PTH2R: variants seen among roughly 807,000 people sequenced by gnomAD.
The protein encoded by PTH2R is parathyroid hormone 2 receptor.
Under a neutral mutation model 60.3 loss-of-function variants are expected in PTH2R, and 59 were observed. The observed-to-expected ratio is 0.98, with a 90% CI of 0.79 to 1.22. PTH2R has a LOEUF of 1.22. Ranked by LOEUF, PTH2R falls within the 50% of genes most tolerant of loss-of-function variation. PTH2R has a pLI of 0.00. For synonymous variants in PTH2R, 256 were observed against 243.8 expected, an observed-to-expected ratio of 1.05 and a Z score of -0.47; for missense variants, 749 against 682.6, an observed-to-expected ratio of 1.10 and a Z score of -1.08.
chr2:208,491,879 A>C (rs745699475), intron 12 of PTH2R, among the ~76,000 whole-genome samples: 1 of 152,108 alleles, frequency 6.6e-6, no homozygotes, highest in Non-Finnish European at 1.5e-5. Context: ...GCTTGTTGTT[A>C]GAAGGGAAGT....
chr2:208,440,324 G>A (rs1702157078), intron 4 of PTH2R, among the ~76,000 whole-genome samples: 1 of 152,048 alleles, frequency 6.6e-6, no homozygotes, highest in Non-Finnish European at 1.5e-5. Flanking sequence ...GTTTCTTTCT[G>A]ATTGGTTAGA....
chr2:208,372,874 C>T (rs1700726657), intron 1 of PTH2R, among the ~76,000 whole-genome samples: 1 of 152,028 alleles, frequency 6.6e-6, no homozygotes, highest in Admixed American at 6.6e-5. Context: ...CGCCTGAGCT[C>T]AGGAGTTCAA....
At chr2:208,392,403 GA>G (rs756821796) in intron 1 of PTH2R, among the ~76,000 whole-genome samples, 1 of 152,140 alleles carries the variant, frequency 6.6e-6, no homozygotes, top group Non-Finnish European at 1.5e-5. Context: ...CTCTGGTTAG[GA>G]AAAGAAGTGG....
chr2:208,429,084 C>A (rs1207974475), intron 2 of PTH2R, among the ~76,000 whole-genome samples: 12 of 126,054 alleles, frequency 9.5e-5, no homozygotes, highest in African/African-American at 2.0e-4. Flanking sequence ...CTCTCTGTCT[C>A]AAAAAAAAAA....
intron 6 of PTH2R, 135 bp downstream of exon 6, chr2:208,443,672 T>G: frequency 1.5e-6 from 1 of 661,242 alleles, no homozygotes. Context: ...TCAATTTGTA[T>G]AGTGATGTTT....
intron 9 of PTH2R, among the ~76,000 whole-genome samples, chr2:208,473,598 G>A (rs554312550): frequency 5.8e-4 from 88 of 152,284 alleles, no homozygotes; most frequent in Non-Finnish European, 1.2e-3. Context: ...GAAGTGTACC[G>A]TATTGCATTT....
intron 8 of PTH2R, among the ~76,000 whole-genome samples, chr2:208,457,522 T>G (rs1208840421): frequency 6.6e-6 from 1 of 152,146 alleles, no homozygotes; most frequent in East Asian, 1.9e-4. Flanking sequence ...TGCAAAGAAA[T>G]AAAACATACA....
At chr2:208,360,124 C>A in exon 1 of PTH2R, 1 of 408,002 alleles carries the variant, frequency 2.5e-6, no homozygotes, top group East Asian at 7.3e-5. Flanking sequence ...TCGAAAATGA[C>A]CTTTTTATGC....
intron 1 of PTH2R, among the ~76,000 whole-genome samples, chr2:208,415,553 A>G (rs1258202341): frequency 6.6e-6 from 1 of 152,188 alleles, no homozygotes; most frequent in Non-Finnish European, 1.5e-5. Context: ...AGAAGAGAAA[A>G]ATGGACTAAA....
chr2:208,361,895 G>A (rs914059595), intron 1 of PTH2R, among the ~76,000 whole-genome samples: 1 of 152,184 alleles, frequency 6.6e-6, no homozygotes, highest in Non-Finnish European at 1.5e-5. Flanking sequence ...CGGGGCAAAG[G>A]GTTGCCCAGA....
chr2:208,365,940 ATATATATATATATATATATATT>A (rs1700573485), intron 1 of PTH2R, among the ~76,000 whole-genome samples: 3 of 13,526 alleles, frequency 2.2e-4, no homozygotes, highest in African/African-American at 7.0e-4. Context: ...ATATATATAT[ATATATATATATATATATATATT>A]TTTTTTTTTT....
At chr2:208,476,332 C>G (rs1317114052) in intron 9 of PTH2R, among the ~76,000 whole-genome samples, 1 of 151,960 alleles carries the variant, frequency 6.6e-6, no homozygotes, top group African/African-American at 2.4e-5. Flanking sequence ...TTATAAATAC[C>G]AAATTGATTT....
chr2:208,447,236 T>G (rs896184910), intron 7 of PTH2R, among the ~76,000 whole-genome samples: 20 of 152,162 alleles, frequency 1.3e-4, no homozygotes, highest in African/African-American at 4.8e-4. Context: ...CCTCTCAAAG[T>G]GCTGGGATTA....
chr2:208,411,965 A>G (rs1701548189), intron 1 of PTH2R, among the ~76,000 whole-genome samples: 1 of 152,206 alleles, frequency 6.6e-6, no homozygotes, highest in South Asian at 2.1e-4. Context: ...TTTTAATGGA[A>G]TGATTACTAG....
At chr2:208,475,264 T>A (rs935975418) in intron 9 of PTH2R, among the ~76,000 whole-genome samples, 1 of 152,204 alleles carries the variant, frequency 6.6e-6, no homozygotes, top group Non-Finnish European at 1.5e-5. Context: ...TATAACTAAT[T>A]TAATGACATA....
chr2:208,440,977 C>T (rs934398928), intron 4 of PTH2R, among the ~76,000 whole-genome samples: 1 of 152,104 alleles, frequency 6.6e-6, no homozygotes, highest in African/African-American at 2.4e-5. Flanking sequence ...GCACAGGGGG[C>T]CCTCACTAAC....
chr2:208,391,881 C>G (rs780604798), intron 1 of PTH2R, among the ~76,000 whole-genome samples: 16 of 152,108 alleles, frequency 1.1e-4, no homozygotes, highest in Non-Finnish European at 1.6e-4. Context: ...GCTTCAGTAC[C>G]TTCCTGAGAA....
chr2:208,376,219 G>A (rs1001083314), intron 1 of PTH2R, among the ~76,000 whole-genome samples: 5 of 152,070 alleles, frequency 3.3e-5, no homozygotes, highest in Non-Finnish European at 5.9e-5. Context: ...AGATAATATA[G>A]TGTTAAACTG....
chr2:208,435,625 T>A (rs1010316946), intron 2 of PTH2R, among the ~76,000 whole-genome samples: 26 of 152,296 alleles, frequency 1.7e-4, no homozygotes, highest in African/African-American at 5.8e-4. Context: ...AGCTGACAGC[T>A]GTCAGCAAAG....
Sources: gnomAD v4.1 joint callset for allele counts (sites outside exome capture counted in the v4.1 genomes callset) on GRCh38, gnomAD v4.1.1 for gene constraint, MANE v1.5 for transcripts, NCBI Gene and HGNC (gene_info 2026-07-23, HGNC 2026-07-21) for gene names.